EXT1: variants seen among roughly 807,000 people sequenced by gnomAD.
EXT1 encodes exostosin-1.
A neutral mutation model predicts 82.5 loss-of-function variants in EXT1; 20 were observed. The observed-to-expected ratio is 0.24, with a 90% CI of 0.17 to 0.35. The LOEUF (loss-of-function observed/expected upper bound fraction) is 0.35, where lower values mean the gene tolerates loss of function less well. Among genes scored for constraint, EXT1 ranks in the 10% least tolerant of loss-of-function variants. EXT1 has a pLI of 1.00. For synonymous variants in EXT1, 348 were observed against 350.8 expected, an observed-to-expected ratio of 0.99 and a Z score of 0.09; for missense variants, 757 against 936.5, an observed-to-expected ratio of 0.81 and a Z score of 2.50.
At chr8:117,827,830 A>G (rs1315388201) in intron 4 of EXT1, among the ~76,000 whole-genome samples, 3 of 150,076 alleles carry the variant, frequency 2.0e-5, no homozygotes, top group African/African-American at 7.4e-5. Context: ...AACATTTGGC[A>G]TATTATTTGA....
intron 4 of EXT1, among the ~76,000 whole-genome samples, chr8:117,824,835 ATTC>A (rs959841692): frequency 1.3e-5 from 2 of 151,836 alleles, no homozygotes; most frequent in East Asian, 1.9e-4. Flanking sequence ...AGGATTGATT[ATTC>A]TTCTTCTTCT....
chr8:117,968,656 A>G lies in EXT1; in HGVS notation c.963-131455T>C, dbSNP rs1399116497. 1.0e-4 allele frequency among the ~76,000 whole-genome samples: 9 copies of G among 88,880 alleles called. 1 individual carries two copies. The highest frequency in any genetic ancestry group is 2.4e-4 in the African/African-American group (3 of 12,410). The allele number at this position is 88,880 out of a possible 152,430, so 58.3% of individuals were successfully genotyped here. A position where few individuals can be genotyped will look rare whatever the true frequency, so the allele number is the denominator to read the frequency against. On this transcript the variant is annotated intron_variant, in intron 1 of 10. Coordinates refer to ENST00000378204, the MANE Select transcript of EXT1 (RefSeq NM_000127.3). Reference sequence around the variant, plus strand: ...TTGATCTCGGCTCACTGCAAGCTCCACCTCCCGGGTTCACGCCATTCTCCT... The same window carrying G: ...TTGATCTCGGCTCACTGCAAGCTCCGCCTCCCGGGTTCACGCCATTCTCCT...
chr8:118,092,676 C>T (rs747463518), intron 1 of EXT1, among the ~76,000 whole-genome samples: 3 of 152,170 alleles, frequency 2.0e-5, no homozygotes, highest in Non-Finnish European at 2.9e-5. Flanking sequence ...AAAGTCCCTC[C>T]GCACGTGTTG....
At chr8:117,914,810 C>T (rs763511244) in intron 1 of EXT1, among the ~76,000 whole-genome samples, 15 of 152,174 alleles carry the variant, frequency 9.9e-5, no homozygotes, top group South Asian at 2.1e-4. Context: ...CAAGACAATA[C>T]GTGCACCGCT....
At chr8:117,950,439 T>G (rs1019698911) in intron 1 of EXT1, among the ~76,000 whole-genome samples, 5 of 152,206 alleles carry the variant, frequency 3.3e-5, no homozygotes, top group African/African-American at 1.2e-4. Context: ...TCAACACATT[T>G]TACATCAGAT....
At chr8:117,799,975 A>G in intron 10 of EXT1, 78 bp from the exon 11 acceptor site, 1 of 1,468,526 alleles carries the variant, frequency 6.8e-7, no homozygotes, top group Non-Finnish European at 9.4e-7. Context: ...AAATGGAGTC[A>G]GGCAAATGAG....
At chr8:118,078,293 G>A (rs1346005117) in intron 1 of EXT1, among the ~76,000 whole-genome samples, 1 of 152,162 alleles carries the variant, frequency 6.6e-6, no homozygotes, top group Non-Finnish European at 1.5e-5. Context: ...CCACCTCCTA[G>A]GTTCAAGCAA....
At chr8:117,960,092 T>C (rs60822517) in intron 1 of EXT1, among the ~76,000 whole-genome samples, 9,599 of 152,116 alleles carry the variant, frequency 0.063, 685 homozygotes, top group African/African-American at 0.18. Context: ...GCACCTGTAA[T>C]CCCAGCTACT....
At chr8:118,042,626 C>T (rs1433764922) in intron 1 of EXT1, among the ~76,000 whole-genome samples, 1 of 152,174 alleles carries the variant, frequency 6.6e-6, no homozygotes. Context: ...TTCCAGTACT[C>T]CTTTGCCCTG....
intron 1 of EXT1, among the ~76,000 whole-genome samples, chr8:118,004,526 G>A (rs1413531413): frequency 1.3e-5 from 2 of 152,190 alleles, no homozygotes; most frequent in Admixed American, 6.5e-5. Flanking sequence ...TCTCAGCCAC[G>A]AAAGGGAGGA....
At chr8:117,832,520 TA>T (rs78434447) in intron 3 of EXT1, among the ~76,000 whole-genome samples, 103 of 141,940 alleles carry the variant, frequency 7.3e-4, no homozygotes, top group Admixed American at 6.4e-4. Flanking sequence ...AAGACTGTCT[TA>T]AAAAAAAAAA....
chr8:118,029,919 A>G (rs555452158), intron 1 of EXT1, among the ~76,000 whole-genome samples: 1 of 152,210 alleles, frequency 6.6e-6, no homozygotes, highest in Non-Finnish European at 1.5e-5. Flanking sequence ...TACAAGTTCA[A>G]CCAAACTCTT....
intron 7 of EXT1, among the ~76,000 whole-genome samples, chr8:117,814,680 G>C (rs959504988): frequency 4.6e-5 from 7 of 152,144 alleles, no homozygotes; most frequent in Admixed American, 1.3e-4. Context: ...AGAAGTTATA[G>C]TAAGGATGAT....
rs563492405 is a variant in EXT1 at position 117,952,494 on chromosome 8, G to A, written c.963-115293C>T. 3.0e-4 allele frequency among the ~76,000 whole-genome samples: 46 copies of A among 152,270 alleles called. No individual in the cohort carries two copies. In the East Asian group the frequency reaches 6.0e-3, roughly 20 times the overall value. On this transcript the variant is annotated intron_variant, in intron 1 of 10. Coordinates refer to ENST00000378204, the MANE Select transcript of EXT1 (RefSeq NM_000127.3). Reference sequence around the variant, plus strand: ...CAAAAAATATGGTGAGACACCAGGCGCAGTGTCTCACACCTGTAATCCCAG... The same window carrying A: ...CAAAAAATATGGTGAGACACCAGGCACAGTGTCTCACACCTGTAATCCCAG...
In EXT1 at chr8:117,885,435, GGGA is replaced by G. The variant is rs1563590772; in HGVS notation, c.963-48237_963-48235del. Among the ~76,000 whole-genome samples, 6 of 150,828 alleles carry G rather than the reference GGGA, an allele frequency of 4.0e-5. No individual in the cohort carries two copies. The South Asian group carries it at 1.3e-3, about 32-fold the overall frequency. ...CTGGCAATATTAACCGTACTGGCAG[GGGA>G]GGAGAAGGAAACCCTAAAATAGATT... On this transcript the variant is annotated intron_variant, in intron 1 of 10. Coordinates refer to ENST00000378204, the MANE Select transcript of EXT1 (RefSeq NM_000127.3).
At chr8:117,901,664 T>C (rs1261683343) in intron 1 of EXT1, among the ~76,000 whole-genome samples, 2 of 152,214 alleles carry the variant, frequency 1.3e-5, no homozygotes, top group Non-Finnish European at 2.9e-5. Context: ...ACAAACATAT[T>C]GTATATAGCT....
chr8:117,871,192 A>G (rs1812863623), intron 1 of EXT1, among the ~76,000 whole-genome samples: 1 of 152,220 alleles, frequency 6.6e-6, no homozygotes, highest in Non-Finnish European at 1.5e-5. Context: ...TGATATAATC[A>G]AGGAAAAAAT....
chr8:118,006,689 T>A (rs1420678635), intron 1 of EXT1, among the ~76,000 whole-genome samples: 1 of 152,224 alleles, frequency 6.6e-6, no homozygotes, highest in Non-Finnish European at 1.5e-5. Context: ...CTGAATCTCA[T>A]TTTTATCATC....
intron 1 of EXT1, among the ~76,000 whole-genome samples, chr8:117,971,204 T>A (rs1451098149): frequency 1.3e-5 from 2 of 152,150 alleles, no homozygotes; most frequent in Non-Finnish European, 2.9e-5. Flanking sequence ...TGCAACCACC[T>A]GCACTCATTT....
Sources: allele counts gnomAD v4.1 joint callset (sites outside exome capture counted in the v4.1 genomes callset), GRCh38; gene constraint gnomAD v4.1.1; transcripts MANE v1.5; gene names NCBI Gene and HGNC (gene_info 2026-07-23, HGNC 2026-07-21).